The following STK10 variants were observed in gnomAD, a reference collection of about 807,000 sequenced individuals.
STK10 encodes serine/threonine-protein kinase 10.
STK10 carries 78 observed loss-of-function variants against 113.8 expected under a neutral mutation model. That is an observed-to-expected ratio of 0.69 (90% CI 0.57 to 0.83). The LOEUF (loss-of-function observed/expected upper bound fraction) is 0.83. STK10 is among the 40% of genes least tolerant of loss of function. STK10 has a pLI of 0.00. For synonymous variants in STK10, 465 were observed against 494.7 expected (o/e 0.94, Z 0.80); for missense variants, 1,109 against 1,280.1 (o/e 0.87, Z 2.04).
chr5:172,137,452 A>T (rs551709611), intron 2 of STK10, among the ~76,000 whole-genome samples: 7 of 151,624 alleles, frequency 4.6e-5, no homozygotes, highest in African/African-American at 7.3e-5. Flanking sequence ...GAAAGGAGAT[A>T]AAAAAAAACT....
chr5:172,067,418 A>C (rs1396120465), intron 12 of STK10, among the ~76,000 whole-genome samples: 1 of 151,500 alleles, frequency 6.6e-6, no homozygotes, highest in Admixed American at 6.6e-5. Flanking sequence ...AATAGAATAA[A>C]ATGCCAAGGA....
chr5:172,102,462 G>A (rs565023334), intron 7 of STK10, among the ~76,000 whole-genome samples: 1 of 152,348 alleles, frequency 6.6e-6, no homozygotes, highest in Non-Finnish European at 1.5e-5. Flanking sequence ...CTGGACGCGG[G>A]CCGAGGCATG....
chr5:172,173,195 G>C (rs981131728), intron 1 of STK10, among the ~76,000 whole-genome samples: 6 of 152,134 alleles, frequency 3.9e-5, no homozygotes, highest in Non-Finnish European at 7.4e-5. Context: ...TGGCGGTTGT[G>C]GGGAGGGCAG....
At position 172,093,864 on chromosome 5, in the gene STK10, G is replaced by GT; in HGVS notation, c.1101dup (p.Pro368ThrfsTer10). On this transcript the variant is annotated frameshift_variant, in exon 9 of 19. Transcript: ENST00000176763. LOFTEE classifies it high-confidence loss of function. This position sits in a 1 kb window ranked among gnomAD's most constrained non-coding sequence, Gnocchi z 4.1. ...TTCACACTGTCCTGAGACTGGCTGG[G>GT]TGCCAGCGGGGTGGAAGGTGACTCC... 6.3e-7 allele frequency: 1 copy of GT among 1,577,906 alleles called. No homozygotes were observed. Among genetic ancestry groups the GT allele is most frequent in the South Asian group, 1.2e-5 (1 of 86,838 alleles).
intron 1 of STK10, among the ~76,000 whole-genome samples, chr5:172,159,358 G>A (rs1483675517): frequency 6.6e-6 from 1 of 152,100 alleles, no homozygotes; most frequent in African/African-American, 2.4e-5. Context: ...AGGCAACAGA[G>A]CGAAATCCCG....
At chr5:172,055,339 C>T (rs1767724130) in intron 16 of STK10, among the ~76,000 whole-genome samples, 1 of 152,204 alleles carries the variant, frequency 6.6e-6, no homozygotes, top group East Asian at 1.9e-4. Context: ...AGCCACCACA[C>T]CTGGCTAATA....
At position 172,042,158 on chromosome 5, in the gene STK10, A is replaced by G. The variant is rs535538154; in HGVS notation, c.*2724T>C. ...AGAACATTTTACAAAAATTTTGTAT[A>G]AAGTCTGGAAACTACATAAAAATAA... is the stretch of plus-strand genomic sequence containing the variant. On this transcript the variant is annotated 3_prime_UTR_variant, in exon 19 of 19. Transcript: ENST00000176763. 3.5e-4 allele frequency: 54 copies of G among 152,764 alleles called. No individual in the cohort carries two copies. The highest frequency in any genetic ancestry group is 1.3e-3 in the African/African-American group (53 of 41,548). 9.5% of individuals were successfully genotyped at this position (152,764 alleles called of 1,614,324 possible). A position where few individuals can be genotyped will look rare whatever the true frequency, so the allele number is the denominator to read the frequency against.
rs918820992 is a variant in STK10 at position 172,082,803 on chromosome 5, T to C, written c.1809+158A>G. Among the ~76,000 whole-genome samples, 4 of 152,188 alleles carry C rather than the reference T, an allele frequency of 2.6e-5. No homozygotes were observed. The highest frequency in any genetic ancestry group is 4.4e-5 in the Non-Finnish European group (3 of 68,012). On this transcript the variant is annotated intron_variant, in intron 11 of 18. Transcript: ENST00000176763. This position sits in a 1 kb window ranked among gnomAD's most constrained non-coding sequence, Gnocchi z 4.3. ...CTGTGACCTTCACGGGGTTCTGTGT[T>C]AACAAGTCACTGCCTAACAAGATCG... is the stretch of plus-strand genomic sequence containing the variant.
chr5:172,059,845 T>C (rs933159632), intron 14 of STK10, among the ~76,000 whole-genome samples: 3 of 152,166 alleles, frequency 2.0e-5, no homozygotes, highest in Non-Finnish European at 4.4e-5. Flanking sequence ...GTCATTTATT[T>C]TTCCTCAATC....
intron 2 of STK10, among the ~76,000 whole-genome samples, chr5:172,149,772 G>A (rs375991558): frequency 6.6e-6 from 1 of 151,992 alleles, no homozygotes; most frequent in East Asian, 1.9e-4. Flanking sequence ...TGGGCCGGGC[G>A]CGGTGGCTCA....
chr5:172,110,111 G>A (rs970942914), intron 4 of STK10, among the ~76,000 whole-genome samples: 13 of 152,202 alleles, frequency 8.5e-5, no homozygotes, highest in African/African-American at 2.7e-4. Flanking sequence ...GACACTAGCC[G>A]GGATCAGAGA....
At chr5:172,118,990 C>T (rs903251003) in intron 3 of STK10, among the ~76,000 whole-genome samples, 1 of 151,382 alleles carries the variant, frequency 6.6e-6, no homozygotes, top group Non-Finnish European at 1.5e-5. Flanking sequence ...ATTAAACTTT[C>T]CACTGGCTGT....
At chr5:172,175,792 G>C (rs1021791352) in intron 1 of STK10, among the ~76,000 whole-genome samples, 3 of 152,122 alleles carry the variant, frequency 2.0e-5, no homozygotes, top group Non-Finnish European at 4.4e-5. Context: ...ACACGCTCCT[G>C]GCCAGAAAGA....
rs909332025 is a variant in STK10 at position 172,093,015 on chromosome 5, G to A, written c.1554+397C>T. ...TCTAGTGCGGTGGCTATCGTCATTC[G>A]CAACACTGCCCACCTCCAGAAAGGC... On this transcript the variant is annotated intron_variant, in intron 9 of 18. Transcript: ENST00000176763. The surrounding 1 kb of genome is among the most constrained non-coding windows in gnomAD (Gnocchi z 4.1). The A allele has an allele frequency of 9.2e-5, 16 of 174,496 alleles. No individual in the cohort carries two copies. Among genetic ancestry groups the A allele is most frequent in the Non-Finnish European group, 1.7e-4 (14 of 80,352 alleles). The allele number at this position is 174,496 out of a possible 1,614,324, so 10.8% of individuals were successfully genotyped here.
At chr5:172,165,346 T>TC (rs1430786706) in intron 1 of STK10, among the ~76,000 whole-genome samples, 8 of 151,326 alleles carry the variant, frequency 5.3e-5, no homozygotes, top group Non-Finnish European at 8.9e-5. Flanking sequence ...GAGACCAGGG[T>TC]CCCATCTGTG....
chr5:172,054,546 G>C, intron 17 of STK10, 23 bp downstream of exon 17: 1 of 1,599,774 alleles, frequency 6.3e-7, no homozygotes, highest in Non-Finnish European at 8.5e-7. Flanking sequence ...TGGGGGCAGG[G>C]GCAGGGGCAG....
At chr5:172,168,687 G>C (rs1445075050) in intron 1 of STK10, among the ~76,000 whole-genome samples, 1 of 152,196 alleles carries the variant, frequency 6.6e-6, no homozygotes, top group Non-Finnish European at 1.5e-5. Context: ...AGAGAAAAGG[G>C]AGGCCCAGGC....
chr5:172,149,522 C>CTGTG (rs367896863), intron 2 of STK10, among the ~76,000 whole-genome samples: 13 of 136,454 alleles, frequency 9.5e-5, no homozygotes, highest in South Asian at 4.7e-4. Context: ...GTGTGTGTGT[C>CTGTG]TGTGTGTGTG....
At chr5:172,065,818 C>T (rs1376630735) in intron 12 of STK10, among the ~76,000 whole-genome samples, 2 of 152,274 alleles carry the variant, frequency 1.3e-5, no homozygotes, top group East Asian at 3.9e-4. Context: ...CTGGAGGGGA[C>T]TGCCTGAGAT....
Sources: allele counts gnomAD v4.1 joint callset (sites outside exome capture counted in the v4.1 genomes callset), GRCh38; gene constraint gnomAD v4.1.1; non-coding constraint Gnocchi (gnomAD v3.1); transcripts MANE v1.5; gene names NCBI Gene and HGNC (gene_info 2026-07-23, HGNC 2026-07-21).